LRRC4C: variants seen among roughly 807,000 people sequenced by gnomAD.
The protein encoded by LRRC4C is leucine rich repeat containing 4C.
A neutral mutation model predicts 33.6 loss-of-function variants in LRRC4C; 5 were observed. The observed-to-expected ratio is 0.15, with a 90% CI of 0.08 to 0.31. The LOEUF is 0.31. Ranked by LOEUF, LRRC4C falls within the 10% of genes least tolerant of loss-of-function variation. LRRC4C has a pLI of 1.00. For synonymous variants in LRRC4C, 329 were observed against 302.0 expected (o/e 1.09, Z -0.93); for missense variants, 560 against 796.7 (o/e 0.70, Z 3.58).
chr11:41,304,956 C>T lies in LRRC4C; in HGVS notation c.-496+154475G>A, dbSNP rs551115476. ...CACCTGCTGGGCCAGCCGCCCCGTC[C>T]GGGAGGTGAGGGGCGCCTCTGCCCG... On this transcript the variant is annotated intron_variant, in intron 1 of 6. Transcript: ENST00000528697. Among the ~76,000 whole-genome samples, 9 of 88,488 alleles carry T rather than the reference C, an allele frequency of 1.0e-4. 2 individuals carry two copies. The highest frequency in any genetic ancestry group is 5.1e-4 in the South Asian group (1 of 1,970). The allele number at this position is 88,488 out of a possible 152,430, so 58.1% of individuals were successfully genotyped here.
At chr11:40,481,108 G>A (rs901933242) in intron 3 of LRRC4C, among the ~76,000 whole-genome samples, 5 of 151,856 alleles carry the variant, frequency 3.3e-5, no homozygotes, top group Non-Finnish European at 7.4e-5. Context: ...AAATGAGATG[G>A]TGTTTTTAAT....
intron 1 of LRRC4C, among the ~76,000 whole-genome samples, chr11:41,406,831 G>C (rs1954259757): frequency 6.6e-6 from 1 of 151,456 alleles, no homozygotes; most frequent in Non-Finnish European, 1.5e-5. Context: ...CAACGTCCTT[G>C]ATTATTTTCA....
At chr11:40,750,656 G>A (rs1222074672) in intron 2 of LRRC4C, among the ~76,000 whole-genome samples, 1 of 115,938 alleles carries the variant, frequency 8.6e-6, no homozygotes, top group African/African-American at 3.3e-5. Flanking sequence ...ACTGTTGTGG[G>A]GTGGGGGGAG....
chr11:40,687,434 A>G lies in LRRC4C; in HGVS notation c.-406-39156T>C, dbSNP rs977745179. Among the ~76,000 whole-genome samples the G allele has an allele frequency of 3.3e-5, 5 of 152,098 alleles. No individual in the cohort carries two copies. The East Asian group carries it at 7.7e-4, about 24-fold the overall frequency. ...GATAGATAGATCGATCCTCTTTTCA[A>G]TGAGAGTGTAGTGCCTCTGATGGTC... is the stretch of plus-strand genomic sequence containing the variant. On this transcript the variant is annotated intron_variant, in intron 2 of 6. Transcript: ENST00000528697.
At chr11:40,774,822 G>A (rs1361866659) in intron 2 of LRRC4C, among the ~76,000 whole-genome samples, 1 of 152,022 alleles carries the variant, frequency 6.6e-6, no homozygotes, top group African/African-American at 2.4e-5. Flanking sequence ...AGGGCTATTT[G>A]GCATTATGTA....
chr11:40,629,653 AT>A (rs1963282128), intron 3 of LRRC4C, among the ~76,000 whole-genome samples: 1 of 152,184 alleles, frequency 6.6e-6, no homozygotes, highest in Non-Finnish European at 1.5e-5. Flanking sequence ...GATTAAGAAC[AT>A]TGAGTATAGG....
chr11:41,097,265 T>C (rs533475659), intron 1 of LRRC4C, among the ~76,000 whole-genome samples: 1 of 152,294 alleles, frequency 6.6e-6, no homozygotes, highest in East Asian at 1.9e-4. Flanking sequence ...AAGCCTAAGA[T>C]GGTAAACTAG....
intron 1 of LRRC4C, among the ~76,000 whole-genome samples, chr11:41,336,040 AT>A (rs1489753360): frequency 2.6e-5 from 4 of 152,122 alleles, no homozygotes; most frequent in Non-Finnish European, 5.9e-5. Context: ...GAGTGTCTGT[AT>A]TTTCCTATCT....
chr11:40,736,515 T>C (rs545113513), intron 2 of LRRC4C, among the ~76,000 whole-genome samples: 1 of 152,278 alleles, frequency 6.6e-6, no homozygotes, highest in East Asian at 1.9e-4. Context: ...TTATAATCCT[T>C]TGGGTATATA....
chr11:40,148,431 C>T (rs942708027), intron 5 of LRRC4C, among the ~76,000 whole-genome samples: 1 of 152,056 alleles, frequency 6.6e-6, no homozygotes, highest in East Asian at 1.9e-4. Flanking sequence ...CTCTAATGAT[C>T]AGTGATGTTG....
At chr11:40,522,227 G>A (rs1323295539) in intron 3 of LRRC4C, among the ~76,000 whole-genome samples, 2 of 152,176 alleles carry the variant, frequency 1.3e-5, no homozygotes, top group African/African-American at 4.8e-5. Flanking sequence ...ACGAGGTCTT[G>A]CCATGTTGGC....
intron 5 of LRRC4C, among the ~76,000 whole-genome samples, chr11:40,165,436 G>C (rs190236014): frequency 1.1e-4 from 17 of 152,052 alleles, no homozygotes; most frequent in Non-Finnish European, 2.1e-4. Flanking sequence ...GCTTGAAGGA[G>C]ATGAAGAAAA....
chr11:40,955,755 T>A (rs555310724), intron 1 of LRRC4C, among the ~76,000 whole-genome samples: 2 of 151,944 alleles, frequency 1.3e-5, no homozygotes, highest in African/African-American at 4.8e-5. Context: ...CTTTGGAAAA[T>A]GCAGACATGT....
At chr11:40,571,521 T>C (rs1251364085) in intron 3 of LRRC4C, among the ~76,000 whole-genome samples, 1 of 152,114 alleles carries the variant, frequency 6.6e-6, no homozygotes, top group East Asian at 1.9e-4. Flanking sequence ...AAGTGACTTA[T>C]TCAAAGGAAC....
At chr11:40,677,896 T>C (rs375306059) in intron 2 of LRRC4C, among the ~76,000 whole-genome samples, 1 of 152,022 alleles carries the variant, frequency 6.6e-6, no homozygotes, top group South Asian at 2.1e-4. Flanking sequence ...ATATCCGGAG[T>C]TTTACGTGCT....
intron 1 of LRRC4C, among the ~76,000 whole-genome samples, chr11:41,157,377 G>A (rs183653338): frequency 6.6e-6 from 1 of 152,078 alleles, no homozygotes; most frequent in African/African-American, 2.4e-5. Flanking sequence ...ACATCACAAA[G>A]GTTGTGCGAG....
At chr11:40,170,288 T>A (rs1278109083) in intron 5 of LRRC4C, among the ~76,000 whole-genome samples, 1 of 152,232 alleles carries the variant, frequency 6.6e-6, no homozygotes, top group Non-Finnish European at 1.5e-5. Context: ...GAGTTGCACA[T>A]TAACTTGGAT....
intron 1 of LRRC4C, among the ~76,000 whole-genome samples, chr11:41,208,626 T>C (rs1220175730): frequency 1.3e-5 from 2 of 152,202 alleles, no homozygotes; most frequent in Non-Finnish European, 2.9e-5. Flanking sequence ...AAGAAAGCTG[T>C]CAGGCCTCAG....
chr11:40,730,513 CATAA>C (rs1947512236), intron 2 of LRRC4C, among the ~76,000 whole-genome samples: 1 of 151,812 alleles, frequency 6.6e-6, no homozygotes, highest in African/African-American at 2.4e-5. Context: ...TTCATCATAT[CATAA>C]ATAAACTGAG....
Sources: allele counts gnomAD v4.1 joint callset (sites outside exome capture counted in the v4.1 genomes callset), GRCh38; gene constraint gnomAD v4.1.1; transcripts MANE v1.5; gene names NCBI Gene and HGNC (gene_info 2026-07-23, HGNC 2026-07-21).